The following MED26 variants were observed in gnomAD, a reference collection of about 807,000 sequenced individuals.
MED26 encodes mediator of RNA polymerase II transcription subunit 26.
Under a neutral mutation model 43.7 loss-of-function variants are expected in MED26, and 7 were observed. The ratio of observed to expected loss-of-function variants is 0.16; its 90% CI spans 0.09 to 0.30. The LOEUF is 0.30. Ranked by LOEUF, MED26 falls within the 10% of genes least tolerant of loss-of-function variation. MED26 has a pLI of 1.00. For missense variants in MED26, 784 were observed against 840.6 expected (o/e 0.93, Z 0.83); for synonymous variants, 375 against 371.1 (o/e 1.01, Z -0.12).
At chr19:16,622,582 T>C (rs2086256833) in intron 1 of MED26, among the ~76,000 whole-genome samples, 1 of 152,188 alleles carries the variant, frequency 6.6e-6, no homozygotes, top group African/African-American at 2.4e-5. Context: ...GCGGCTGTTT[T>C]GGAAGGTGCT....
chr19:16,601,039 G>A (rs960847624), intron 1 of MED26, among the ~76,000 whole-genome samples: 4 of 152,102 alleles, frequency 2.6e-5, no homozygotes, highest in Non-Finnish European at 5.9e-5. Flanking sequence ...GCAGTGAGCT[G>A]AGACTGTGCT....
chr19:16,576,243 A>G lies in MED26; in HGVS notation c.1587T>C (p.His529=), dbSNP rs531804917. 2 of 1,611,244 alleles carry G rather than the reference A, an allele frequency of 1.2e-6. No homozygotes were observed. The highest frequency in any genetic ancestry group is 2.7e-5 in the African/African-American group (2 of 75,018). The change falls in exon 3 of 3, where the codon CAT becomes CAC. Residue 529 remains histidine, a synonymous_variant. Transcript: ENST00000263390. The surrounding 1 kb of genome is among the most constrained non-coding windows in gnomAD (Gnocchi z 6.8). ...TGGGCGGGCTTTGAGGCACCAGCAC[A>G]TGCAGCTGCCTGGCCCCTTGCCGGG... is the stretch of plus-strand genomic sequence containing the variant. ...ESTRQGARQL[H]VLVPQSPPTD... is the part of the protein sequence containing the mutation.
At chr19:16,601,117 C>T (rs1048085053) in intron 1 of MED26, among the ~76,000 whole-genome samples, 7 of 151,418 alleles carry the variant, frequency 4.6e-5, no homozygotes, top group African/African-American at 1.7e-4. Context: ...TGAGGTCACA[C>T]AGCTGGGTCT....
chr19:16,578,657 C>T (rs1599330043), intron 1 of MED26: 1 of 523,198 alleles, frequency 1.9e-6, no homozygotes, highest in East Asian at 3.4e-5. Flanking sequence ...CTCCAGTGTA[C>T]ATGGTACATA....
At chr19:16,591,938 C>A (rs2086099672) in intron 1 of MED26, among the ~76,000 whole-genome samples, 1 of 152,192 alleles carries the variant, frequency 6.6e-6, no homozygotes, top group Non-Finnish European at 1.5e-5. Flanking sequence ...GGGTCAACAG[C>A]ACGGGCATCA....
chr19:16,622,174 G>C (rs1038590047), intron 1 of MED26, among the ~76,000 whole-genome samples: 1 of 152,208 alleles, frequency 6.6e-6, no homozygotes, highest in African/African-American at 2.4e-5. Context: ...ATTCTCAACT[G>C]TTTTCAAATA....
intron 1 of MED26, among the ~76,000 whole-genome samples, chr19:16,579,542 C>G (rs1012350945): frequency 6.6e-6 from 1 of 152,228 alleles, no homozygotes; most frequent in African/African-American, 2.4e-5. Flanking sequence ...ACACCTTGTT[C>G]TAAGCACTTC....
In MED26 at chr19:16,576,371, G is replaced by A. The variant is rs1380544603; in HGVS notation, c.1459C>T (p.Gln487Ter). 1 of 1,614,024 alleles carries A rather than the reference G, an allele frequency of 6.2e-7. No individual in the cohort carries two copies. The highest frequency in any genetic ancestry group is 1.3e-5 in the African/African-American group (1 of 74,928). Residue 487 changes from glutamine to a stop codon, truncating the protein, a stop_gained, in exon 3 of 3, where the codon CAG becomes TAG. Coordinates refer to ENST00000263390, the MANE Select transcript of MED26 (RefSeq NM_004831.5). LOFTEE classifies it high-confidence loss of function. The surrounding 1 kb of genome is among the most constrained non-coding windows in gnomAD (Gnocchi z 6.8). ...WKELSRNEIIQSYLSRQSSLL... is the reference protein window; with the variant it reads ...WKELSRNEII The stretch of plus-strand genomic sequence containing the variant: ...CTGCTCTGCCGGCTCAGGTAGGACT[G>A]GATGATCTCGTTGCGTGACAGCTCC...
intron 1 of MED26, among the ~76,000 whole-genome samples, chr19:16,598,915 G>T (rs982329385): frequency 6.6e-6 from 1 of 151,262 alleles, no homozygotes; most frequent in Non-Finnish European, 1.5e-5. Context: ...TAAAACAAAA[G>T]TAATAAAAAA....
At position 16,624,074 on chromosome 19, in the gene MED26, T is replaced by C. The variant is rs963464; in HGVS notation, c.72+3798A>G. Among the ~76,000 whole-genome samples, 5 of 151,688 alleles carry C rather than the reference T, an allele frequency of 3.3e-5. No individual in the cohort carries two copies. The South Asian group carries it at 1.0e-3, about 32-fold the overall frequency. On this transcript the variant is annotated intron_variant, in intron 1 of 2. Transcript: ENST00000263390. ...ACACCTTGGTTTAGAATTTTGTTAGTTGAGAAACTTCACACAATGTACCTT... is the reference window on the plus strand; with the variant it reads ...ACACCTTGGTTTAGAATTTTGTTAGCTGAGAAACTTCACACAATGTACCTT...
chr19:16,579,735 G>C (rs2086035120), intron 1 of MED26, among the ~76,000 whole-genome samples: 2 of 152,290 alleles, frequency 1.3e-5, no homozygotes, highest in East Asian at 3.9e-4. Flanking sequence ...AGTTAAGCGG[G>C]CACATGATAC....
chr19:16,589,432 C>T (rs1037902367), intron 1 of MED26: 1 of 152,284 alleles, frequency 6.6e-6, no homozygotes, highest in Non-Finnish European at 1.5e-5. Context: ...CATGGTCTGT[C>T]CATTCAATGT....
chr19:16,607,459 C>T (rs949550117), intron 1 of MED26, among the ~76,000 whole-genome samples: 2 of 151,508 alleles, frequency 1.3e-5, no homozygotes, highest in African/African-American at 4.9e-5. Flanking sequence ...AGACAGAGGG[C>T]TCACACTCAT....
intron 1 of MED26, among the ~76,000 whole-genome samples, chr19:16,598,262 G>A (rs1438574019): frequency 2.0e-5 from 3 of 150,882 alleles, no homozygotes; most frequent in African/African-American, 4.9e-5. Context: ...GCTTGAATCC[G>A]GGAGGCGCAG....
chr19:16,577,643 T>A lies in MED26; in HGVS notation c.187A>T (p.Lys63Ter). ...TTGGCGAGCTCCTCGTTCTTGGTTT[T>A]CTTGCGGACGTCGTTGATGAGCTTC... ...LGKLINDVRKKTKNEELAKRA... is the reference protein window; with the variant it reads ...LGKLINDVRK Residue 63 changes from lysine (K) to a stop codon, truncating the protein, a stop_gained, in exon 3 of 3, where the codon AAA becomes TAA. Transcript: ENST00000263390. LOFTEE classifies it high-confidence loss of function. This position sits in a 1 kb window ranked among gnomAD's most constrained non-coding sequence, Gnocchi z 8.1. 1 of 1,587,446 alleles carries A rather than the reference T, an allele frequency of 6.3e-7. No individual in the cohort carries two copies. Among genetic ancestry groups the A allele is most frequent in the Non-Finnish European group, 8.6e-7 (1 of 1,163,574 alleles).
At chr19:16,599,069 C>T (rs2086136197) in intron 1 of MED26, among the ~76,000 whole-genome samples, 1 of 152,220 alleles carries the variant, frequency 6.6e-6, no homozygotes, top group Non-Finnish European at 1.5e-5. Flanking sequence ...TGTCCTGGCG[C>T]TGGTGCAGTA....
intron 1 of MED26, among the ~76,000 whole-genome samples, chr19:16,592,167 C>A (rs1364195077): frequency 2.0e-5 from 3 of 152,220 alleles, no homozygotes; most frequent in Non-Finnish European, 4.4e-5. Flanking sequence ...TGGTAACACT[C>A]CTGGCACCAC....
rs151305734 is a variant in MED26, at chr19:16,578,389, C to A, written c.93G>T (p.Val31=). 42 of 1,613,926 alleles carry A rather than the reference C, an allele frequency of 2.6e-5. No homozygotes were observed. Among genetic ancestry groups the A allele is most frequent in the Non-Finnish European group, 3.2e-5 (38 of 1,179,986 alleles). Residue 31 remains valine (V), a synonymous_variant, in exon 2 of 3, where the codon GTG becomes GTT. Transcript: ENST00000263390. The part of the protein sequence containing the change: ...PQSNIRNMVA[V]LEVISSLEKY... ...TCTCCAGGCTGGAGATGACTTCCAG[C>A]ACCGCCACCATGTTCCGGATCTGTG...
intron 1 of MED26, among the ~76,000 whole-genome samples, chr19:16,602,355 C>A (rs1268518700): frequency 6.6e-6 from 1 of 152,146 alleles, no homozygotes; most frequent in East Asian, 1.9e-4. Context: ...TCACACCCTG[C>A]ACACAGCCTG....
Sources: gnomAD v4.1 joint callset for allele counts (sites outside exome capture counted in the v4.1 genomes callset) on GRCh38, gnomAD v4.1.1 for gene constraint, Gnocchi (gnomAD v3.1) non-coding constraint, MANE v1.5 for transcripts, NCBI Gene and HGNC (gene_info 2026-07-23, HGNC 2026-07-21) for gene names.